The following BNC2 variants were observed in gnomAD, a reference collection of about 807,000 sequenced individuals.
BNC2 encodes zinc finger protein basonuclin-2.
Under a neutral mutation model 76.3 loss-of-function variants are expected in BNC2, and 20 were observed. The observed-to-expected ratio is 0.26, with a 90% CI of 0.18 to 0.38. BNC2 has a LOEUF of 0.38. Ranked by LOEUF, BNC2 falls within the 10% of genes least tolerant of loss-of-function variation. BNC2 has a pLI of 1.00. For missense variants in BNC2, 1,382 were observed against 1,399.8 expected, an observed-to-expected ratio of 0.99 and a Z score of 0.20; for synonymous variants, 582 against 514.8, an observed-to-expected ratio of 1.13 and a Z score of -1.77.
At chr9:16,555,276 G>A (rs926198664) in intron 4 of BNC2, among the ~76,000 whole-genome samples, 1 of 152,014 alleles carries the variant, frequency 6.6e-6, no homozygotes, top group African/African-American at 2.4e-5. Flanking sequence ...ACCCGCCTCG[G>A]CCTCCCAAAG....
At chr9:16,550,452 G>A (rs1818624456) in intron 5 of BNC2, among the ~76,000 whole-genome samples, 1 of 151,958 alleles carries the variant, frequency 6.6e-6, no homozygotes, top group Non-Finnish European at 1.5e-5. Flanking sequence ...CACAAGTTGG[G>A]GAAAAACTAA....
chr9:16,643,950 A>C (rs1392204396), intron 3 of BNC2, among the ~76,000 whole-genome samples: 1 of 152,154 alleles, frequency 6.6e-6, no homozygotes, highest in Non-Finnish European at 1.5e-5. Flanking sequence ...CTTTCAGAAG[A>C]ACCTATGGGA....
At chr9:16,761,865 A>C (rs1825560128) in intron 1 of BNC2, among the ~76,000 whole-genome samples, 1 of 152,188 alleles carries the variant, frequency 6.6e-6, no homozygotes, top group African/African-American at 2.4e-5. Flanking sequence ...TAGCTGATGA[A>C]ATTGAAAATG....
intron 2 of BNC2, chr9:16,728,315 G>C: frequency 2.3e-6 from 1 of 429,480 alleles, no homozygotes; most frequent in Non-Finnish European, 4.3e-6. Context: ...CAACTGCACT[G>C]TTCCACTGTC....
In BNC2 at chr9:16,436,912, G is replaced by A. The variant is rs756459154; in HGVS notation, c.1282C>T (p.Arg428Trp). 5.0e-6 allele frequency: 8 copies of A among 1,614,046 alleles called. No homozygotes were observed. Among genetic ancestry groups the A allele is most frequent in the Non-Finnish European group, 6.8e-6 (8 of 1,180,034 alleles). Residue 428 changes from arginine (R) to tryptophan (W), a missense_variant, in exon 6 of 7, where the codon CGG becomes TGG. Arg to Trp is a moderately radical substitution (Grantham distance 101). This residue lies in a region of BNC2 where 557 missense variants were observed against 540.9 expected (regional missense o/e 1.03). Transcript: ENST00000380672. The part of the protein sequence containing the change: ...EHPKSSFRIH[R>W]MRRMGSASRK... ...GAGGCTGACCCCATCCTTCTCATCCGATGAATCCGGAATGAGCTTTTTGGG... is the reference window on the plus strand; with the variant it reads ...GAGGCTGACCCCATCCTTCTCATCCAATGAATCCGGAATGAGCTTTTTGGG...
chr9:16,735,395 TTAAAAAAAAAA>T (rs1226155115), intron 2 of BNC2, among the ~76,000 whole-genome samples: 9 of 3,978 alleles, frequency 2.3e-3, no homozygotes, highest in Non-Finnish European at 5.1e-3. Context: ...TTAAATGAAT[TTAAAAAAAAAA>T]AAAAAAAAAA....
At chr9:16,587,370 C>T (rs1251910693) in intron 3 of BNC2, among the ~76,000 whole-genome samples, 1 of 152,050 alleles carries the variant, frequency 6.6e-6, no homozygotes, top group African/African-American at 2.4e-5. Flanking sequence ...TGCACCATCA[C>T]GTTGAGCTAA....
At chr9:16,701,638 A>G (rs1341840544) in intron 3 of BNC2, among the ~76,000 whole-genome samples, 1 of 152,162 alleles carries the variant, frequency 6.6e-6, no homozygotes, top group Non-Finnish European at 1.5e-5. Flanking sequence ...CAAAATAGCA[A>G]TACTAAATAA....
intron 5 of BNC2, among the ~76,000 whole-genome samples, chr9:16,515,711 C>G (rs531728506): frequency 7.0e-4 from 74 of 105,430 alleles, no homozygotes; most frequent in African/African-American, 2.6e-3. Context: ...GAAAAAGGTA[C>G]AATTTGAAAA....
rs1285114509 is a variant in BNC2 at position 16,470,700 on chromosome 9, G to A, written c.670-33176C>T. 6.6e-5 allele frequency among the ~76,000 whole-genome samples: 10 copies of A among 152,344 alleles called. No individual in the cohort carries two copies. The South Asian group carries it at 8.3e-4, about 13-fold the overall frequency. The stretch of plus-strand genomic sequence containing the variant: ...CAAGCCTTAGCAGCTTCTACATGGC[G>A]TTCTGTGCGCAGATGCACAGAAGTC... On this transcript the variant is annotated intron_variant, in intron 5 of 6. Transcript: ENST00000380672.
intron 3 of BNC2, among the ~76,000 whole-genome samples, chr9:16,611,038 C>T (rs1820531540): frequency 6.6e-6 from 1 of 151,978 alleles, no homozygotes; most frequent in African/African-American, 2.4e-5. Context: ...CTGAACACAG[C>T]AGTTCATTTG....
intron 3 of BNC2, among the ~76,000 whole-genome samples, chr9:16,612,507 G>T (rs1329883273): frequency 2.0e-5 from 3 of 152,192 alleles, no homozygotes; most frequent in Non-Finnish European, 4.4e-5. Flanking sequence ...AATATTATAT[G>T]ACAAGATCCC....
rs573227182 is a variant in BNC2, at chr9:16,571,732, T to G, written c.433+11251A>C. ...TCTCTCTCTTTAGCCTAATCTTTTT[T>G]TTCCTTCAGTTTTGACTGCCTGTGT... On this transcript the variant is annotated intron_variant, in intron 4 of 6. Coordinates refer to ENST00000380672, the MANE Select transcript of BNC2 (RefSeq NM_017637.6). Among the ~76,000 whole-genome samples, 3 of 152,282 alleles carry G rather than the reference T, an allele frequency of 2.0e-5. No homozygotes were observed. In the South Asian group the frequency reaches 6.2e-4, roughly 32 times the overall value.
chr9:16,552,109 G>C (rs1818680348), intron 5 of BNC2, among the ~76,000 whole-genome samples: 1 of 152,032 alleles, frequency 6.6e-6, no homozygotes, highest in African/African-American at 2.4e-5. Context: ...AGACAACCAA[G>C]AAAAACACCG....
intron 5 of BNC2, among the ~76,000 whole-genome samples, chr9:16,506,038 G>C (rs909894658): frequency 2.6e-5 from 4 of 152,130 alleles, no homozygotes; most frequent in Admixed American, 6.5e-5. Context: ...GTAAGAAGTG[G>C]ACTCTGAAAA....
chr9:16,419,492 C>T lies in BNC2; in HGVS notation c.2797G>A (p.Glu933Lys), dbSNP rs1295881023. The change falls in exon 7 of 7, where the codon GAA becomes AAA. Residue 933 changes from glutamate (E) to lysine (K), a missense_variant. Glu to Lys is a moderately conservative substitution (Grantham distance 56). Transcript: ENST00000380672. ...AQHPMGLDVREDASSPAGTED... is the reference protein window; with the variant it reads ...AQHPMGLDVRKDASSPAGTED... ...GTCCCTGCGGGAGAGGAGGCGTCTT[C>T]CCTGACATCGAGCCCCATGGGGTGC... 3 of 1,614,010 alleles carry T rather than the reference C, an allele frequency of 1.9e-6. No individual in the cohort carries two copies. Among genetic ancestry groups the T allele is most frequent in the African/African-American group, 2.7e-5 (2 of 74,930 alleles).
At chr9:16,700,272 A>C (rs529603900) in intron 3 of BNC2, among the ~76,000 whole-genome samples, 1 of 152,310 alleles carries the variant, frequency 6.6e-6, no homozygotes, top group Non-Finnish European at 1.5e-5. Context: ...AATGAGGCCA[A>C]ACATGGTTGC....
chr9:16,832,255 A>C, intron 1 of BNC2: 1 of 1,280,508 alleles, frequency 7.8e-7, no homozygotes, highest in Non-Finnish European at 1.0e-6. Context: ...AGTAGAAGAG[A>C]AAATCTAGAA....
At chr9:16,843,047 T>C (rs965911533) in intron 1 of BNC2, among the ~76,000 whole-genome samples, 1 of 152,214 alleles carries the variant, frequency 6.6e-6, no homozygotes, top group Admixed American at 6.5e-5. Context: ...AATATGAATA[T>C]ATTTAACATT....
Sources: allele counts gnomAD v4.1 joint callset (sites outside exome capture counted in the v4.1 genomes callset), GRCh38; gene constraint gnomAD v4.1.1; regional missense constraint gnomAD v4.1.1; transcripts MANE v1.5; gene names NCBI Gene and HGNC (gene_info 2026-07-23, HGNC 2026-07-21).